UBR4: variants seen among roughly 807,000 people sequenced by gnomAD.
The protein encoded by UBR4 is ubiquitin protein ligase E3 component n-recognin 4, also known as E3 ubiquitin-protein ligase UBR4.
A neutral mutation model predicts 575.6 loss-of-function variants in UBR4; 124 were observed. The observed-to-expected ratio is 0.22, with a 90% CI of 0.19 to 0.25. The LOEUF is 0.25. Among genes scored for constraint, UBR4 ranks in the 10% least tolerant of loss-of-function variants. The pLI, the probability that UBR4 is intolerant of heterozygous loss-of-function variation, is 1.00. For synonymous variants in UBR4, 2,455 were observed against 2,473.7 expected (o/e 0.99, Z 0.22); for missense variants, 4,818 against 6,478.8 (o/e 0.74, Z 8.80).
chr1:19,201,932 C>CAGG, intron 1 of UBR4, 117 bp from the exon 2 acceptor site: 1 of 844,860 alleles, frequency 1.2e-6, no homozygotes, highest in Non-Finnish European at 1.8e-6. Context: ...TATCATCAAC[C>CAGG]TATTCCCCTT....
At position 19,139,313 on chromosome 1, in the gene UBR4, A is replaced by G; in HGVS notation, c.8594-93T>C. The stretch of plus-strand genomic sequence containing the variant: ...AAAAACCCCTCCTTGGGATGAAAGC[A>G]TCAAACCACATAGTGCATAGGACAC... On this transcript the variant is annotated intron_variant, in intron 58 of 105. Transcript: ENST00000375254. This position sits in a 1 kb window ranked among gnomAD's most constrained non-coding sequence, Gnocchi z 4.2. 1 of 1,471,290 alleles carries G rather than the reference A, an allele frequency of 6.8e-7. No homozygotes were observed. Among genetic ancestry groups the G allele is most frequent in the Non-Finnish European group, 9.1e-7 (1 of 1,104,048 alleles). 91.1% of individuals were successfully genotyped at this position (1,471,290 alleles called of 1,614,324 possible).
At chr1:19,115,286 T>C in intron 74 of UBR4, 112 bp downstream of exon 74, 1 of 1,454,122 alleles carries the variant, frequency 6.9e-7, no homozygotes. Flanking sequence ...AACCCATAAT[T>C]CTCTAAATGT....
At position 19,164,967 on chromosome 1, in the gene UBR4, T is replaced by C. The variant is rs146243180; in HGVS notation, c.4343A>G (p.His1448Arg). 21 of 1,613,376 alleles carry C rather than the reference T, an allele frequency of 1.3e-5. No homozygotes were observed. The East Asian group carries it at 3.6e-4, about 27-fold the overall frequency. The change falls in exon 32 of 106, where the codon CAT (histidine) becomes CGT (arginine). Residue 1448 changes from histidine to arginine, a missense_variant. Transcript: ENST00000375254. ...CAGTTGTGCCAGGGAGCCACAGAGA[T>C]GCAACAGGCTCGGGTTAGGGCTCTT... is the stretch of plus-strand genomic sequence containing the variant. Reference protein sequence around the residue: ...TEKSPNPSLLHLCGSLAQLAC... With the variant: ...TEKSPNPSLLRLCGSLAQLAC...
At chr1:19,201,194 T>G (rs2092725602) in intron 2 of UBR4, among the ~76,000 whole-genome samples, 2 of 152,170 alleles carry the variant, frequency 1.3e-5, no homozygotes, top group South Asian at 4.1e-4. Context: ...AGTCAAGATT[T>G]TAGACAAATG....
intron 60 of UBR4, among the ~76,000 whole-genome samples, chr1:19,132,806 C>T (rs1570903915): frequency 6.6e-6 from 1 of 151,758 alleles, no homozygotes; most frequent in African/African-American, 2.4e-5. Context: ...ATTGTCAAGA[C>T]ATTAAAAAGA....
At chr1:19,135,049 A>G (rs1358369987) in intron 60 of UBR4, among the ~76,000 whole-genome samples, 1 of 152,202 alleles carries the variant, frequency 6.6e-6, no homozygotes, top group Non-Finnish European at 1.5e-5. Flanking sequence ...TAAAGGCAAT[A>G]AAATGTTACT....
Position 19,144,854 on chromosome 1 carries a change from A to G in UBR4, c.7999T>C (p.Tyr2667His), listed in dbSNP as rs1321094250. Residue 2667 changes from tyrosine to histidine, a missense_variant, in exon 54 of 106, where the codon TAC (tyrosine) becomes CAC (histidine). By Grantham distance (83) the Tyr-to-His change is moderately conservative. This residue lies in a region of UBR4 where 340 missense variants were observed against 375.4 expected (regional missense o/e 0.91). Coordinates refer to ENST00000375254, the MANE Select transcript of UBR4 (RefSeq NM_020765.3). Reference protein sequence around the residue: ...VNALVDIIHGYCTCELDCINT... With the variant: ...VNALVDIIHGHCTCELDCINT... ...ATACAATCCAGCTCACAGGTACAGT[A>G]GCCATGGATGATGTCCACCAGAGCA... 6.2e-7 allele frequency: 1 copy of G among 1,614,194 alleles called. No individual in the cohort carries two copies. Among genetic ancestry groups the G allele is most frequent in the Non-Finnish European group, 8.5e-7 (1 of 1,180,016 alleles).
intron 37 of UBR4, 121 bp from the exon 38 acceptor site, chr1:19,161,268 C>T: frequency 1.1e-6 from 1 of 944,460 alleles, no homozygotes. Flanking sequence ...TCAATGTTAT[C>T]CAAAAGCCTA....
chr1:19,139,337 A>C lies in UBR4; in HGVS notation c.8594-117T>G. The C allele has an allele frequency of 7.8e-7, 1 of 1,286,698 alleles. No individual in the cohort carries two copies. Among genetic ancestry groups the C allele is most frequent in the Non-Finnish European group, 1.0e-6 (1 of 984,250 alleles). The allele number at this position is 1,286,698 out of a possible 1,614,324, so 79.7% of individuals were successfully genotyped here. ...CATCAAACCACATAGTGCATAGGAC[A>C]CAATGCAGTTTATATATCCTGTCGT... On this transcript the variant is annotated intron_variant, in intron 58 of 105. Transcript: ENST00000375254. The surrounding 1 kb of genome is among the most constrained non-coding windows in gnomAD (Gnocchi z 4.2).
rs1296914669 is a variant in UBR4 at position 19,139,658 on chromosome 1, T to C, written c.8594-438A>G. On this transcript the variant is annotated intron_variant, in intron 58 of 105. Coordinates refer to ENST00000375254, the MANE Select transcript of UBR4 (RefSeq NM_020765.3). This position sits in a 1 kb window ranked among gnomAD's most constrained non-coding sequence, Gnocchi z 4.2. ...CATTACCATTCAAAGCATAGAACTC[T>C]GAATTTTAATGAGACTTGTTTTGAA... 6.6e-6 allele frequency among the ~76,000 whole-genome samples: 1 copy of C among 152,244 alleles called. No individual in the cohort carries two copies. The highest frequency in any genetic ancestry group is 1.5e-5 in the Non-Finnish European group (1 of 68,038).
Position 19,164,977 on chromosome 1 carries a change from T to C in UBR4, c.4333A>G (p.Ser1445Gly). 6.2e-7 allele frequency: 1 copy of C among 1,612,866 alleles called. No individual in the cohort carries two copies. The highest frequency in any genetic ancestry group is 8.5e-7 in the Non-Finnish European group (1 of 1,179,604). Residue 1445 changes from serine to glycine, a missense_variant, in exon 32 of 106, where the codon AGC becomes GGC. Around this residue, in one of 29 missense-constraint regions of UBR4, gnomAD observed 1,172 missense variants for 1,259.7 expected, o/e 0.93. Transcript: ENST00000375254. The part of the protein sequence containing the change: ...FQLTEKSPNP[S>G]LLHLCGSLAQ... ...AGGGAGCCACAGAGATGCAACAGGC[T>C]CGGGTTAGGGCTCTTCTCAGCTAGG...
At chr1:19,140,379 T>C (rs181549639) in intron 58 of UBR4, among the ~76,000 whole-genome samples, 1 of 152,352 alleles carries the variant, frequency 6.6e-6, no homozygotes, top group African/African-American at 2.4e-5. Context: ...TAATCTAGCT[T>C]CTTATAGCTC....
intron 102 of UBR4, 72 bp downstream of exon 102, chr1:19,084,432 C>T (rs1212561666): frequency 6.7e-7 from 1 of 1,481,836 alleles, no homozygotes; most frequent in Non-Finnish European, 9.2e-7. Flanking sequence ...TATGAAAAAG[C>T]TGAGGGGATC....
intron 93 of UBR4, 60 bp from the exon 94 acceptor site, chr1:19,095,085 G>A (rs2077896863): frequency 1.2e-6 from 2 of 1,612,196 alleles, no homozygotes; most frequent in African/African-American, 2.7e-5. Flanking sequence ...AACTGCTGAG[G>A]ACAATTGCTC....
intron 74 of UBR4, among the ~76,000 whole-genome samples, 179 bp downstream of exon 74, chr1:19,115,219 A>ACT (rs1557644594): frequency 6.8e-6 from 1 of 146,694 alleles, no homozygotes; most frequent in East Asian, 1.9e-4. Context: ...ACACACACAC[A>ACT]CACTCACTCA....
intron 13 of UBR4, among the ~76,000 whole-genome samples, chr1:19,186,938 C>T (rs908457581): frequency 6.6e-6 from 1 of 152,020 alleles, no homozygotes; most frequent in Non-Finnish European, 1.5e-5. Context: ...TATCACAAAA[C>T]TGATAATTAA....
At chr1:19,178,852 AG>A (rs918205854) in intron 18 of UBR4, among the ~76,000 whole-genome samples, 198 bp downstream of exon 18, 1 of 152,202 alleles carries the variant, frequency 6.6e-6, no homozygotes, top group African/African-American at 2.4e-5. Context: ...CATGTGCTAC[AG>A]GGAGATTTAT....
chr1:19,155,189 T>C, intron 43 of UBR4, 114 bp from the exon 44 acceptor site: 1 of 1,408,874 alleles, frequency 7.1e-7, no homozygotes, highest in Non-Finnish European at 9.8e-7. Context: ...ACTCTAAGCA[T>C]GAGATCCCTG....
intron 53 of UBR4, 134 bp from the exon 54 acceptor site, chr1:19,145,041 C>T (rs2084651537): frequency 2.2e-6 from 2 of 918,838 alleles, no homozygotes; most frequent in African/African-American, 1.7e-5. Flanking sequence ...CTCACATACA[C>T]ACTCATTCAC....
Sources: gnomAD v4.1 joint callset for allele counts (sites outside exome capture counted in the v4.1 genomes callset) on GRCh38, gnomAD v4.1.1 for gene constraint, gnomAD v4.1.1 regional missense constraint, Gnocchi (gnomAD v3.1) non-coding constraint, MANE v1.5 for transcripts, NCBI Gene and HGNC (gene_info 2026-07-23, HGNC 2026-07-21) for gene names.